The following HEATR5A variants were observed in gnomAD, a reference collection of about 807,000 sequenced individuals.
HEATR5A encodes the protein HEAT repeat-containing protein 5A.
In HEATR5A, 178 loss-of-function variants were observed where a neutral mutation model predicts 218.8. The ratio of observed to expected loss-of-function variants is 0.81; its 90% CI spans 0.72 to 0.92. HEATR5A has a LOEUF of 0.92. Ranked by LOEUF, HEATR5A falls within the 40% of genes least tolerant of loss-of-function variation. The probability of loss-of-function intolerance (pLI) is 0.00; values close to 1 mark genes in which losing one functional copy is unlikely to be tolerated. For synonymous variants in HEATR5A, 864 were observed against 871.6 expected (o/e 0.99, Z 0.15); for missense variants, 2,420 against 2,418.9 (o/e 1.00, Z -0.01).
chr14:31,305,990 A>C (rs1899543592), intron 31 of HEATR5A, among the ~76,000 whole-genome samples: 1 of 152,226 alleles, frequency 6.6e-6, no homozygotes, highest in African/African-American at 2.4e-5. Context: ...ATACCATATT[A>C]GACTTGTAAA....
chr14:31,316,019 C>T, intron 26 of HEATR5A, 70 bp from the exon 27 acceptor site: 1 of 1,253,592 alleles, frequency 8.0e-7, no homozygotes, highest in South Asian at 1.7e-5. Flanking sequence ...TGTGGTGGCT[C>T]ATGCCTGTAA....
chr14:31,326,484 G>A, intron 22 of HEATR5A, 142 bp from the exon 23 acceptor site: 1 of 636,278 alleles, frequency 1.6e-6, no homozygotes, highest in Non-Finnish European at 2.7e-6. Context: ...TTAATCTACT[G>A]AGATCCATTT....
At chr14:31,323,471 T>C in intron 24 of HEATR5A, 94 bp downstream of exon 24, 1 of 1,051,486 alleles carries the variant, frequency 9.5e-7, no homozygotes, top group Non-Finnish European at 1.3e-6. Context: ...TAGTTTCATT[T>C]TAAAAAAATA....
At chr14:31,418,279 A>G (rs1287550019) in intron 1 of HEATR5A, among the ~76,000 whole-genome samples, 3 of 152,164 alleles carry the variant, frequency 2.0e-5, no homozygotes, top group Non-Finnish European at 4.4e-5. Context: ...CCTACAAAAG[A>G]TTTAGTGATT....
At chr14:31,327,999 G>A (rs1376861555) in intron 22 of HEATR5A, among the ~76,000 whole-genome samples, 1 of 152,160 alleles carries the variant, frequency 6.6e-6, no homozygotes, top group East Asian at 1.9e-4. Flanking sequence ...TGTCGCCCAG[G>A]TTGGAGTACA....
chr14:31,408,886 T>G (rs1306866783), intron 1 of HEATR5A, among the ~76,000 whole-genome samples: 1 of 134,206 alleles, frequency 7.5e-6, no homozygotes, highest in African/African-American at 2.8e-5. Context: ...GGTCAGGAGA[T>G]CGAGACCATC....
intron 14 of HEATR5A, among the ~76,000 whole-genome samples, chr14:31,359,325 T>C (rs1595135188): frequency 6.6e-6 from 1 of 151,412 alleles, no homozygotes; most frequent in East Asian, 1.9e-4. Context: ...TGTGTGTGTG[T>C]ACATACCTTA....
At chr14:31,334,945 CAAAAAAAAAAAAA>C (rs58661759) in intron 22 of HEATR5A, among the ~76,000 whole-genome samples, 1 of 96,640 alleles carries the variant, frequency 1.0e-5, no homozygotes, top group Non-Finnish European at 1.9e-5. Context: ...GATTCCATCT[CAAAAAAAAAAAAA>C]AAAAAAAGAA....
chr14:31,341,470 T>C (rs1259831042), intron 21 of HEATR5A, among the ~76,000 whole-genome samples: 1 of 152,150 alleles, frequency 6.6e-6, no homozygotes, highest in Non-Finnish European at 1.5e-5. Context: ...CATGGCTCAC[T>C]GTTGCCTCAA....
At position 31,306,852 on chromosome 14, in the gene HEATR5A, G is replaced by T; in HGVS notation, c.4846C>A (p.Leu1616Ile). The change falls in exon 31 of 36, where the codon CTA (leucine) becomes ATA (isoleucine). Residue 1616 changes from leucine (L) to isoleucine (I), a missense_variant. Coordinates refer to ENST00000543095, the MANE Select transcript of HEATR5A (RefSeq NM_015473.4). ...TCTCTGGTTAAAATTACTCGATGTA[G>T]AACATTCAGCAATTCTATACCCAAG... ...QDLGIELLNVLHRVILTRESP... is the reference protein window; with the variant it reads ...QDLGIELLNVIHRVILTRESP... 6.2e-7 allele frequency: 1 copy of T among 1,612,734 alleles called. No individual in the cohort carries two copies. The highest frequency in any genetic ancestry group is 8.5e-7 in the Non-Finnish European group (1 of 1,179,152).
At chr14:31,312,455 T>C (rs1312689294) in intron 28 of HEATR5A, among the ~76,000 whole-genome samples, 1 of 150,842 alleles carries the variant, frequency 6.6e-6, no homozygotes, top group Non-Finnish European at 1.5e-5. Context: ...TCTTGTCACC[T>C]AGGCTGGAGT....
rs368105465 is a variant in HEATR5A at position 31,307,938 on chromosome 14, T to A, written c.4773A>T (p.Ala1591=). Residue 1591 remains alanine (A), a synonymous_variant, in exon 30 of 36, where the codon GCA becomes GCT. Transcript: ENST00000543095. The part of the protein sequence containing the change: ...SITACLHALQ[A]LLDVPWPRSK... ...ATCTGGGCCAAGGTACATCTAGAAG[T>A]GCTTGCAATGCATGTAAACAAGCAG... 37 of 1,613,864 alleles carry A rather than the reference T, an allele frequency of 2.3e-5. No homozygotes were observed. Among genetic ancestry groups the A allele is most frequent in the Admixed American group, 3.3e-5 (2 of 59,996 alleles).
chr14:31,311,373 T>C (rs1899745696), intron 28 of HEATR5A, among the ~76,000 whole-genome samples: 1 of 151,980 alleles, frequency 6.6e-6, no homozygotes, highest in Admixed American at 6.6e-5. Flanking sequence ...TGCGGTAACA[T>C]ACAAAAACAC....
chr14:31,368,745 A>G (rs1017522881), intron 13 of HEATR5A, among the ~76,000 whole-genome samples: 1 of 151,164 alleles, frequency 6.6e-6, no homozygotes, highest in African/African-American at 2.4e-5. Flanking sequence ...TTATTTTGGT[A>G]GAGATGAGAC....
intron 21 of HEATR5A, among the ~76,000 whole-genome samples, chr14:31,343,184 C>G (rs1443324925): frequency 6.6e-6 from 1 of 152,074 alleles, no homozygotes; most frequent in Admixed American, 6.5e-5. Context: ...CCTCCACCTC[C>G]CGGGTTCAAG....
At chr14:31,342,393 T>A (rs1900869680) in intron 21 of HEATR5A, among the ~76,000 whole-genome samples, 1 of 152,078 alleles carries the variant, frequency 6.6e-6, no homozygotes, top group African/African-American at 2.4e-5. Context: ...CTAAAATAAA[T>A]AAATAAATAG....
intron 16 of HEATR5A, among the ~76,000 whole-genome samples, chr14:31,357,629 T>C (rs952014868): frequency 1.3e-5 from 2 of 152,216 alleles, no homozygotes; most frequent in African/African-American, 4.8e-5. Context: ...TCATTCTCAA[T>C]GAGAAATCAT....
chr14:31,390,136 T>C (rs1209981426), intron 6 of HEATR5A, among the ~76,000 whole-genome samples: 2 of 152,094 alleles, frequency 1.3e-5, no homozygotes, highest in African/African-American at 2.4e-5. Context: ...AAAAGGCCTT[T>C]ATAGGATGCC....
intron 1 of HEATR5A, among the ~76,000 whole-genome samples, chr14:31,413,861 T>C (rs2031364752): frequency 6.6e-6 from 1 of 152,200 alleles, no homozygotes; most frequent in African/African-American, 2.4e-5. Flanking sequence ...GTCTCTACAG[T>C]AATCACTGCT....
Sources: gnomAD v4.1 joint callset for allele counts (sites outside exome capture counted in the v4.1 genomes callset) on GRCh38, gnomAD v4.1.1 for gene constraint, MANE v1.5 for transcripts, NCBI Gene and HGNC (gene_info 2026-07-23, HGNC 2026-07-21) for gene names.